BBS9: variants seen among roughly 807,000 people sequenced by gnomAD.
BBS9 encodes the protein Bardet-Biedl syndrome 9.
In BBS9, 89 loss-of-function variants were observed where a neutral mutation model predicts 117.7. The ratio of observed to expected loss-of-function variants is 0.76; its 90% confidence interval spans 0.64 to 0.90. BBS9 has a LOEUF of 0.90. Ranked by LOEUF, BBS9 falls within the 40% of genes least tolerant of loss-of-function variation. The pLI is 0.00. For synonymous variants in BBS9, 379 were observed against 370.9 expected (o/e 1.02, Z -0.25); for missense variants, 982 against 1,042.2 (o/e 0.94, Z 0.80).
intron 19 of BBS9, among the ~76,000 whole-genome samples, chr7:33,442,844 C>G (rs940734948): frequency 7.9e-5 from 12 of 152,004 alleles, no homozygotes; most frequent in Non-Finnish European, 1.3e-4. Context: ...CAGCCATTAC[C>G]TGCATTGGTC....
Position 33,632,904 on chromosome 7 carries a change from G to A in BBS9, c.2522-2273G>A, listed in dbSNP as rs1340473273. On this transcript the variant is annotated intron_variant, in intron 21 of 21. Transcript: ENST00000671952. ...GAGGGGATGGCTGGAGGCTGTTGAG[G>A]CCACGTCTTCATTTTAGCCTTAAGG... is the stretch of plus-strand genomic sequence containing the variant. 3.3e-5 allele frequency among the ~76,000 whole-genome samples: 5 copies of A among 152,122 alleles called. No homozygotes were observed. The East Asian group carries it at 9.6e-4, about 29-fold the overall frequency.
intron 5 of BBS9, among the ~76,000 whole-genome samples, chr7:33,242,355 T>C (rs1187431042): frequency 1.3e-5 from 2 of 152,074 alleles, no homozygotes; most frequent in African/African-American, 2.4e-5. Context: ...ATAAAGTCAA[T>C]ATGAGGATCT....
chr7:33,272,794 T>A (rs540951610), intron 7 of BBS9, among the ~76,000 whole-genome samples: 9 of 152,072 alleles, frequency 5.9e-5, no homozygotes, highest in Non-Finnish European at 1.2e-4. Context: ...ATAGTTAATA[T>A]CATTTGGTAA....
intron 5 of BBS9, among the ~76,000 whole-genome samples, chr7:33,228,817 G>A (rs1791786556): frequency 6.6e-6 from 1 of 152,084 alleles, no homozygotes; most frequent in South Asian, 2.1e-4. Flanking sequence ...AGGAGAAAGA[G>A]GAGGTGACCC....
chr7:33,307,137 T>C (rs1808191315), intron 9 of BBS9, among the ~76,000 whole-genome samples: 1 of 152,154 alleles, frequency 6.6e-6, no homozygotes, highest in African/African-American at 2.4e-5. Flanking sequence ...GTAACCTATA[T>C]TTGCCTTTAA....
intron 5 of BBS9, among the ~76,000 whole-genome samples, chr7:33,233,231 C>G (rs1562846519): frequency 2.0e-5 from 3 of 151,970 alleles, no homozygotes; most frequent in Non-Finnish European, 4.4e-5. Flanking sequence ...TTTATTCTCT[C>G]TTTTTGTTTT....
chr7:33,530,734 A>G (rs1266377115), intron 20 of BBS9, among the ~76,000 whole-genome samples: 1 of 152,150 alleles, frequency 6.6e-6, no homozygotes, highest in Non-Finnish European at 1.5e-5. Flanking sequence ...TTGGGGTAGG[A>G]AGCTGTTTTT....
intron 11 of BBS9, among the ~76,000 whole-genome samples, chr7:33,344,239 G>T (rs1817165792): frequency 6.6e-6 from 1 of 151,320 alleles, no homozygotes; most frequent in Non-Finnish European, 1.5e-5. Context: ...CCGCCACCGG[G>T]CCCGGCTAAT....
chr7:33,235,081 G>A (rs1415662869), intron 5 of BBS9, among the ~76,000 whole-genome samples: 1 of 152,066 alleles, frequency 6.6e-6, no homozygotes, highest in Non-Finnish European at 1.5e-5. Context: ...ATTAAGTAAG[G>A]GATTCTATTG....
At chr7:33,412,129 T>A (rs1831248908) in intron 19 of BBS9, among the ~76,000 whole-genome samples, 1 of 152,240 alleles carries the variant, frequency 6.6e-6, no homozygotes, top group Non-Finnish European at 1.5e-5. Context: ...ATTATTCTAA[T>A]GTATTTTTGT....
downstream of BBS9, among the ~76,000 whole-genome samples, chr7:33,606,892 T>TTC (rs1314025987): frequency 2.0e-5 from 3 of 152,176 alleles, no homozygotes; most frequent in African/African-American, 7.2e-5. Flanking sequence ...ATTTAGTGTA[T>TTC]TCTCTCTTGT....
At position 33,208,252 on chromosome 7, in the gene BBS9, A is replaced by G. The variant is rs117054897; in HGVS notation, c.442+30661A>G. ...TCTGGCTCTCAACATCAAGCCACAT[A>G]TTCATTTGCTCATGTCTATAATACA... On this transcript the variant is annotated intron_variant, in intron 5 of 22. Transcript: ENST00000242067. Among the ~76,000 whole-genome samples, 955 of 152,342 alleles carry G rather than the reference A, an allele frequency of 6.3e-3. 5 individuals carry two copies. The highest frequency in any genetic ancestry group is 9.4e-3 in the Non-Finnish European group (642 of 68,028).
At chr7:33,511,922 C>T (rs1035262457) in intron 20 of BBS9, among the ~76,000 whole-genome samples, 5 of 152,072 alleles carry the variant, frequency 3.3e-5, no homozygotes, top group Non-Finnish European at 1.5e-5. Context: ...TAATCATTGC[C>T]GTTATTAATG....
intron 1 of BBS9, among the ~76,000 whole-genome samples, chr7:33,132,313 T>C (rs2128050883): frequency 6.6e-6 from 1 of 152,344 alleles, no homozygotes; most frequent in African/African-American, 2.4e-5. Context: ...TATTCAAGGA[T>C]ACCTGAATAA....
chr7:33,551,868 A>G (rs1854477766), intron 21 of BBS9, among the ~76,000 whole-genome samples: 1 of 152,162 alleles, frequency 6.6e-6, no homozygotes, highest in South Asian at 2.1e-4. Context: ...GTATTATTTG[A>G]GACAGATTCC....
At chr7:33,317,815 G>A (rs1261182547) in intron 9 of BBS9, among the ~76,000 whole-genome samples, 1 of 152,190 alleles carries the variant, frequency 6.6e-6, no homozygotes, top group Non-Finnish European at 1.5e-5. Flanking sequence ...ACTTTGGGAG[G>A]ACAAAGAGGG....
intron 4 of BBS9, among the ~76,000 whole-genome samples, chr7:33,165,309 G>C (rs535717852): frequency 1.3e-5 from 2 of 152,032 alleles, no homozygotes; most frequent in African/African-American, 4.8e-5. Context: ...TATGTGTCTT[G>C]GGTTTGCTCT....
chr7:33,183,925 T>G (rs924623237), intron 5 of BBS9, among the ~76,000 whole-genome samples: 4 of 152,142 alleles, frequency 2.6e-5, no homozygotes, highest in African/African-American at 7.2e-5. Context: ...CCTAAGCCCA[T>G]GTTCAATCTT....
At chr7:33,320,322 A>G (rs1201037183) in intron 9 of BBS9, among the ~76,000 whole-genome samples, 2 of 152,168 alleles carry the variant, frequency 1.3e-5, no homozygotes, top group African/African-American at 4.8e-5. Context: ...AGCACCCACA[A>G]ATAAGCAAGA....
Sources: gnomAD v4.1 joint callset for allele counts (sites outside exome capture counted in the v4.1 genomes callset) on GRCh38, gnomAD v4.1.1 for gene constraint, MANE v1.5 for transcripts, NCBI Gene and HGNC (gene_info 2026-07-23, HGNC 2026-07-21) for gene names.